Variants in DGKH observed in about 807,000 individuals in gnomAD.
The protein encoded by DGKH is diacylglycerol kinase eta.
A neutral mutation model predicts 159.3 loss-of-function variants in DGKH; 90 were observed. That is an observed-to-expected ratio of 0.57 (90% CI 0.48 to 0.67). DGKH has a LOEUF of 0.67. DGKH is among the 30% of genes least tolerant of loss of function. DGKH has a pLI of 0.00. For missense variants in DGKH, 1,181 were observed against 1,506.1 expected (o/e 0.78, Z 3.57); for synonymous variants, 536 against 553.8 (o/e 0.97, Z 0.45).
At chr13:42,121,067 A>ACACACACACACACG (rs1491159561) in intron 1 of DGKH, among the ~76,000 whole-genome samples, 1 of 35,096 alleles carries the variant, frequency 2.8e-5, no homozygotes. Context: ...TATATATTAT[A>ACACACACACACACG]CACACACACA....
intron 5 of DGKH, 40 bp downstream of exon 5, chr13:42,155,839 C>T (rs745720508): frequency 1.2e-6 from 2 of 1,610,452 alleles, no homozygotes; most frequent in Admixed American, 1.7e-5. Context: ...CCAACAGTAA[C>T]CATACTGTAG....
intron 3 of DGKH, among the ~76,000 whole-genome samples, chr13:42,147,851 G>A (rs967224468): frequency 1.3e-5 from 2 of 152,092 alleles, no homozygotes; most frequent in African/African-American, 4.8e-5. Flanking sequence ...TTCTCGGAAG[G>A]TGCCTGGCTT....
At chr13:42,170,801 G>T (rs1254279908) in intron 11 of DGKH, among the ~76,000 whole-genome samples, 1 of 151,968 alleles carries the variant, frequency 6.6e-6, no homozygotes, top group Non-Finnish European at 1.5e-5. Flanking sequence ...AAATTAACTG[G>T]GCATGGTGGT....
At chr13:42,140,450 A>G (rs1002592294) in intron 3 of DGKH, 11 of 152,250 alleles carry the variant, frequency 7.2e-5, no homozygotes, top group African/African-American at 1.7e-4. Context: ...CATTGTCACC[A>G]TGATCCTGGA....
At chr13:42,158,039 G>A (rs949882118) in intron 5 of DGKH, among the ~76,000 whole-genome samples, 4 of 152,178 alleles carry the variant, frequency 2.6e-5, no homozygotes, top group African/African-American at 9.7e-5. Flanking sequence ...GATTACAGGC[G>A]TGAGCCACTG....
chr13:42,080,519 G>A (rs146995427), intron 1 of DGKH, among the ~76,000 whole-genome samples: 4 of 152,286 alleles, frequency 2.6e-5, no homozygotes, highest in African/African-American at 9.6e-5. Context: ...TGAATGAACT[G>A]TTTCCGTTTC....
chr13:42,160,096 T>G lies in DGKH; in HGVS notation c.815T>G (p.Leu272Arg). The G allele has an allele frequency of 6.2e-7, 1 of 1,614,226 alleles. No individual in the cohort carries two copies. Among genetic ancestry groups the G allele is most frequent in the Non-Finnish European group, 8.5e-7 (1 of 1,180,050 alleles). Residue 272 changes from leucine to arginine, a missense_variant, in exon 7 of 30, where the codon CTC (leucine) becomes CGC (arginine). Transcript: ENST00000337343. ...TGCGACAAAACATGTGGCAGTGTTC[T>G]CCGTCTACAGGATTGGAAATGCCTT... The part of the protein sequence containing the change: ...AVCDKTCGSV[L>R]RLQDWKCLWC...
rs1272618483 is a variant in DGKH at position 42,238,250 on chromosome 13, A to G, written c.*9062A>G. ...AGACTTCCCAGACAGTGAGGTTAGA[A>G]ATTAGAAGTTCAAATTGATATCCCT... is the stretch of plus-strand genomic sequence containing the variant. On this transcript the variant is annotated 3_prime_UTR_variant, in exon 30 of 30. Coordinates refer to ENST00000337343, the MANE Select transcript of DGKH (RefSeq NM_178009.5). 2 of 152,250 alleles carry G rather than the reference A, an allele frequency of 1.3e-5. No homozygotes were observed. The highest frequency in any genetic ancestry group is 2.9e-5 in the Non-Finnish European group (2 of 68,038). The allele number at this position is 152,250 out of a possible 1,614,324, so 9.4% of individuals were successfully genotyped here. A position where few individuals can be genotyped will look rare whatever the true frequency, so the allele number is the denominator to read the frequency against.
At chr13:42,168,365 G>T in intron 9 of DGKH, 75 bp from the exon 10 acceptor site, 1 of 1,255,138 alleles carries the variant, frequency 8.0e-7, no homozygotes, top group Non-Finnish European at 1.1e-6. Context: ...TATGAATACT[G>T]ATACAGAATA....
chr13:42,099,842 G>A (rs931127663), intron 1 of DGKH, among the ~76,000 whole-genome samples: 1 of 152,148 alleles, frequency 6.6e-6, no homozygotes, highest in African/African-American at 2.4e-5. Context: ...AGGATGTTTA[G>A]GGTGTACTCC....
chr13:42,171,828 CTTTTT>C (rs541194131), intron 11 of DGKH, among the ~76,000 whole-genome samples: 2 of 102,454 alleles, frequency 2.0e-5, no homozygotes, highest in Admixed American at 1.0e-4. Context: ...ATATAAATTT[CTTTTT>C]TTTTTTTTTT....
In DGKH at chr13:42,209,417, T is replaced by A. The variant is rs369660760; in HGVS notation, c.2802T>A (p.Ile934=). The A allele has an allele frequency of 3.1e-6, 5 of 1,613,342 alleles. No homozygotes were observed. In the African/African-American group the frequency reaches 6.7e-5, roughly 22 times the overall value. Residue 934 remains isoleucine (I), a synonymous_variant, in exon 23 of 30, where the codon ATT becomes ATA. Transcript: ENST00000337343. The part of the protein sequence containing the change: ...DGEAWVQPPG[I]IKIVHKNRAQ... Reference sequence around the variant, plus strand: ...AAGCGTGGGTTCAGCCTCCAGGGATTATCAAAATTGTGCACAAAAACAGAG... The same window carrying A: ...AAGCGTGGGTTCAGCCTCCAGGGATAATCAAAATTGTGCACAAAAACAGAG...
At position 42,235,005 on chromosome 13, in the gene DGKH, A is replaced by T. The variant is rs1177414574; in HGVS notation, c.*5817A>T. On this transcript the variant is annotated 3_prime_UTR_variant, in exon 30 of 30. Coordinates refer to ENST00000337343, the MANE Select transcript of DGKH (RefSeq NM_178009.5). ...TTATTTCTTTCCAACTTTTGTTTGG[A>T]GACATTTATGTTAGAAGAAAAACTA... 6.6e-6 allele frequency: 1 copy of T among 151,944 alleles called. No homozygotes were observed. Among genetic ancestry groups the T allele is most frequent in the Non-Finnish European group, 1.5e-5 (1 of 67,936 alleles). 9.4% of individuals were successfully genotyped at this position (151,944 alleles called of 1,614,324 possible).
At chr13:42,178,629 A>C (rs1956667942) in intron 13 of DGKH, among the ~76,000 whole-genome samples, 1 of 152,256 alleles carries the variant, frequency 6.6e-6, no homozygotes, top group Non-Finnish European at 1.5e-5. Context: ...AGATTTTTCA[A>C]AATGATGTTT....
intron 21 of DGKH, among the ~76,000 whole-genome samples, chr13:42,207,145 C>T (rs1957523322): frequency 1.7e-5 from 1 of 60,472 alleles, no homozygotes; most frequent in African/African-American, 6.5e-5. Context: ...TTCCTTCCTT[C>T]CTTCCTTCCT....
At position 42,230,647 on chromosome 13, in the gene DGKH, T is replaced by C. The variant is rs992707050; in HGVS notation, c.*1459T>C. On this transcript the variant is annotated 3_prime_UTR_variant, in exon 30 of 30. Transcript: ENST00000337343. ...AGTAGCCTGCTAGGTGCTTAATAGA[T>C]ATATATACACACAGATATATACATA... The C allele has an allele frequency of 2.0e-5, 3 of 152,030 alleles. No individual in the cohort carries two copies. The highest frequency in any genetic ancestry group is 2.0e-4 in the Admixed American group (3 of 15,246). The allele number at this position is 152,030 out of a possible 1,614,324, so 9.4% of individuals were successfully genotyped here. A position where few individuals can be genotyped will look rare whatever the true frequency, so the allele number is the denominator to read the frequency against.
At chr13:42,211,700 A>G (rs1254090104) in intron 24 of DGKH, among the ~76,000 whole-genome samples, 1 of 152,160 alleles carries the variant, frequency 6.6e-6, no homozygotes. Flanking sequence ...TCCGTCTTCA[A>G]AAAAAGAAGA....
intron 13 of DGKH, among the ~76,000 whole-genome samples, chr13:42,181,092 C>G (rs868046867): frequency 6.6e-6 from 1 of 151,708 alleles, no homozygotes; most frequent in Non-Finnish European, 1.5e-5. Context: ...CTGGCTAACA[C>G]GGTGAAACCC....
At chr13:42,254,958 A>G (rs1958647329) in intron 30 of DGKH, among the ~76,000 whole-genome samples, 1 of 152,074 alleles carries the variant, frequency 6.6e-6, no homozygotes. Context: ...ATTTTTATTA[A>G]TAAAAGATTC....
Sources: gnomAD v4.1 joint callset for allele counts (sites outside exome capture counted in the v4.1 genomes callset) on GRCh38, gnomAD v4.1.1 for gene constraint, MANE v1.5 for transcripts, NCBI Gene and HGNC (gene_info 2026-07-23, HGNC 2026-07-21) for gene names.